The following EPHA5 variants were observed in gnomAD, a reference collection of about 807,000 sequenced individuals.
EPHA5 encodes the protein EPH receptor A5, also known as ephrin type-A receptor 5.
In EPHA5, 60 loss-of-function variants were observed where a neutral mutation model predicts 105.0. That is an observed-to-expected ratio of 0.57 (90% confidence interval 0.46 to 0.71). EPHA5 has a LOEUF of 0.71. Ranked by LOEUF, EPHA5 falls within the 30% of genes least tolerant of loss-of-function variation. The pLI is 0.00. For missense variants in EPHA5, 1,218 were observed against 1,274.7 expected (o/e 0.96, Z 0.68); for synonymous variants, 513 against 449.1 (o/e 1.14, Z -1.80).
At chr4:65,396,922 C>T (rs1442660508) in intron 8 of EPHA5, among the ~76,000 whole-genome samples, 1 of 152,074 alleles carries the variant, frequency 6.6e-6, no homozygotes, top group Non-Finnish European at 1.5e-5. Context: ...AGAAGGAGGC[C>T]CAAGAGAGGG....
At chr4:65,576,061 A>AG (rs1740943125) in intron 3 of EPHA5, among the ~76,000 whole-genome samples, 5 of 59,038 alleles carry the variant, frequency 8.5e-5, no homozygotes, top group Admixed American at 2.3e-4. Flanking sequence ...AAAGAAAGAA[A>AG]AGAAAAGAAA....
At chr4:65,586,523 T>C (rs1742141763) in intron 3 of EPHA5, among the ~76,000 whole-genome samples, 2 of 151,932 alleles carry the variant, frequency 1.3e-5, no homozygotes, top group African/African-American at 4.8e-5. Context: ...TGCTACAATA[T>C]TCTCTATCCT....
Position 65,352,978 on chromosome 4 carries a change from T to A in EPHA5, c.2235+64A>T, listed in dbSNP as rs73218305. The A allele has an allele frequency of 7.9e-3, 9,056 of 1,147,520 alleles. 529 individuals are homozygous for A. The African/African-American group carries it at 0.13, about 16-fold the overall frequency. The allele number at this position is 1,147,520 out of a possible 1,614,324, so 71.1% of individuals were successfully genotyped here. A position where few individuals can be genotyped will look rare whatever the true frequency, so the allele number is the denominator to read the frequency against. On this transcript the variant is annotated intron_variant, in intron 12 of 16. Transcript: ENST00000613740. ...CAACTTCAACATCACAGCATCATCA[T>A]CACAGCACAACATCACAATATATAA...
At chr4:65,469,041 G>T (rs573659919) in intron 5 of EPHA5, among the ~76,000 whole-genome samples, 31 of 152,144 alleles carry the variant, frequency 2.0e-4, no homozygotes, top group Non-Finnish European at 3.5e-4. Flanking sequence ...TGAAGTCTAG[G>T]ACTTTTAGCT....
rs780354388 is a variant in EPHA5, at chr4:65,332,091, A to C, written c.2827T>G (p.Ser943Ala). 9 of 1,610,222 alleles carry C rather than the reference A, an allele frequency of 5.6e-6. No homozygotes were observed. Among genetic ancestry groups the C allele is most frequent in the Middle Eastern group, 1.7e-4 (1 of 6,044 alleles). The change falls in exon 16 of 17, where the codon TCT becomes GCT. Residue 943 changes from serine (S) to alanine (A), a missense_variant. Physicochemically the swap from Ser to Ala is moderately conservative, Grantham distance 99. Around this residue, in one of 3 missense-constraint regions of EPHA5, gnomAD observed 971 missense variants for 1,013.5 expected, o/e 0.96. Coordinates refer to ENST00000613740, the MANE Select transcript of EPHA5 (RefSeq NM_001281766.3). ...TCACCTACTGATCTGTAGGCCCCAG[A>C]TCCTAGTGGGCTATGTTCTGCCAAT... ...NLLAEHSPLG[S>A]GAYRSVGEWL...
chr4:65,557,914 G>T (rs1243162785), intron 3 of EPHA5, among the ~76,000 whole-genome samples: 4 of 151,140 alleles, frequency 2.6e-5, no homozygotes, highest in African/African-American at 4.9e-5. Context: ...GTCTAGCTCT[G>T]TCACCCAGGC....
chr4:65,434,700 C>T lies in EPHA5; in HGVS notation c.1403-14135G>A, dbSNP rs112520696. ...TTCCCTTTTACATAAATTAATGCAACTTTTCATCAAATGTTTCAAAATTCC... is the reference window on the plus strand; with the variant it reads ...TTCCCTTTTACATAAATTAATGCAATTTTTCATCAAATGTTTCAAAATTCC... On this transcript the variant is annotated intron_variant, in intron 5 of 16. Transcript: ENST00000613740. Among the ~76,000 whole-genome samples the T allele has an allele frequency of 1.3e-3, 198 of 152,216 alleles. 1 individual carries two copies. The highest frequency in any genetic ancestry group is 4.5e-3 in the African/African-American group (187 of 41,542).
chr4:65,436,682 A>G lies in EPHA5; in HGVS notation c.1403-16117T>C, dbSNP rs552400763. Among the ~76,000 whole-genome samples the G allele has an allele frequency of 2.1e-4, 32 of 152,122 alleles. 1 individual carries two copies. The South Asian group carries it at 6.4e-3, about 30-fold the overall frequency. On this transcript the variant is annotated intron_variant, in intron 5 of 16. Transcript: ENST00000613740. ...CAGTGTAGTATTTATTTTGAAATCTACATGTTTGAAACAGTTAAATCACCA... is the reference window on the plus strand; with the variant it reads ...CAGTGTAGTATTTATTTTGAAATCTGCATGTTTGAAACAGTTAAATCACCA...
At position 65,322,410 on chromosome 4, in the gene EPHA5, T is replaced by C. The variant is rs1719706425; in HGVS notation, c.*1704A>G. ...CTATATTTCTGATAAATTTCATTAATCCAGGCTTCTCTGATCTACTGTACT... is the reference window on the plus strand; with the variant it reads ...CTATATTTCTGATAAATTTCATTAACCCAGGCTTCTCTGATCTACTGTACT... On this transcript the variant is annotated 3_prime_UTR_variant, in exon 17 of 17. Transcript: ENST00000613740. The C allele has an allele frequency of 4.4e-6, 1 of 225,804 alleles. No homozygotes were observed. The highest frequency in any genetic ancestry group is 2.2e-5 in the African/African-American group (1 of 44,942). 14.0% of individuals were successfully genotyped at this position (225,804 alleles called of 1,614,324 possible). A position where few individuals can be genotyped will look rare whatever the true frequency, so the allele number is the denominator to read the frequency against.
intron 3 of EPHA5, among the ~76,000 whole-genome samples, chr4:65,534,567 A>G (rs1347254248): frequency 1.3e-5 from 2 of 152,230 alleles, no homozygotes; most frequent in African/African-American, 4.8e-5. Context: ...CACACATCCT[A>G]AGGTAACTGG....
Position 65,320,476 on chromosome 4 carries a change from A to G in EPHA5, c.*3638T>C, listed in dbSNP as rs905750190. The G allele has an allele frequency of 4.4e-6, 1 of 229,154 alleles. No homozygotes were observed. Among genetic ancestry groups the G allele is most frequent in the African/African-American group, 2.2e-5 (1 of 45,054 alleles). The allele number at this position is 229,154 out of a possible 1,614,324, so 14.2% of individuals were successfully genotyped here. ...TTATTTTTAGGAAAAACAAAATGAG[A>G]AAGGGACCTTATTCTACTATGTAAT... is the stretch of plus-strand genomic sequence containing the variant. On this transcript the variant is annotated 3_prime_UTR_variant, in exon 17 of 17. Transcript: ENST00000613740.
chr4:65,559,142 C>A (rs891330921), intron 3 of EPHA5, among the ~76,000 whole-genome samples: 1 of 151,998 alleles, frequency 6.6e-6, no homozygotes, highest in Non-Finnish European at 1.5e-5. Context: ...AATAAACTTT[C>A]TCTGTGGTAA....
chr4:65,378,751 G>T (rs183194677), intron 8 of EPHA5, among the ~76,000 whole-genome samples: 1 of 151,764 alleles, frequency 6.6e-6, no homozygotes. Flanking sequence ...TCTGAGATGA[G>T]AATGACTGCT....
chr4:65,385,505 C>A (rs1476520872), intron 8 of EPHA5, among the ~76,000 whole-genome samples: 1 of 151,868 alleles, frequency 6.6e-6, no homozygotes, highest in Non-Finnish European at 1.5e-5. Flanking sequence ...TAAGAGGAAG[C>A]TAAATGTCAC....
chr4:65,584,429 C>T (rs111656541), intron 3 of EPHA5, among the ~76,000 whole-genome samples: 8 of 151,760 alleles, frequency 5.3e-5, no homozygotes, highest in African/African-American at 9.7e-5. Context: ...ACGAACTTGA[C>T]GATAAAGCCC....
chr4:65,632,923 A>C (rs2149494028), intron 2 of EPHA5, among the ~76,000 whole-genome samples: 1 of 152,168 alleles, frequency 6.6e-6, no homozygotes, highest in Admixed American at 6.6e-5. Context: ...TAATTTGTGG[A>C]AAACACCAGA....
At chr4:65,412,774 T>C (rs1182106294) in intron 7 of EPHA5, among the ~76,000 whole-genome samples, 1 of 152,154 alleles carries the variant, frequency 6.6e-6, no homozygotes, top group Non-Finnish European at 1.5e-5. Context: ...TGATTGAGTT[T>C]TGGTGTGCCT....
chr4:65,523,543 A>AT (rs1734958529), intron 3 of EPHA5, among the ~76,000 whole-genome samples: 1 of 152,050 alleles, frequency 6.6e-6, no homozygotes, highest in Non-Finnish European at 1.5e-5. Flanking sequence ...CCACTTGATG[A>AT]AAAACTTTTT....
intron 3 of EPHA5, among the ~76,000 whole-genome samples, chr4:65,576,422 T>C (rs956135993): frequency 6.6e-6 from 1 of 152,224 alleles, no homozygotes; most frequent in Admixed American, 6.5e-5. Flanking sequence ...TCATCCAATA[T>C]ATTGGGCATT....
Sources: gnomAD v4.1 joint callset for allele counts (sites outside exome capture counted in the v4.1 genomes callset) on GRCh38, gnomAD v4.1.1 for gene constraint, gnomAD v4.1.1 regional missense constraint, MANE v1.5 for transcripts, NCBI Gene and HGNC (gene_info 2026-07-23, HGNC 2026-07-21) for gene names.